Variants in WWOX observed in about 807,000 individuals in gnomAD.
WWOX encodes the protein WW domain-containing oxidoreductase.
WWOX carries 69 observed loss-of-function variants against 46.2 expected under a neutral mutation model. That is an observed-to-expected ratio of 1.49 (90% CI 1.23 to 1.82). WWOX has a LOEUF of 1.82. Among genes scored for constraint, WWOX ranks in the 40% most tolerant of loss-of-function variants. The pLI, the probability that WWOX is intolerant of heterozygous loss-of-function variation, is 0.00. For synonymous variants in WWOX, 359 were observed against 202.6 expected, an observed-to-expected ratio of 1.77 and a Z score of -6.56; for missense variants, 919 against 542.6, an observed-to-expected ratio of 1.69 and a Z score of -6.89.
chr16:78,431,115 A>T (rs989360779), intron 7 of WWOX, among the ~76,000 whole-genome samples: 1 of 152,174 alleles, frequency 6.6e-6, no homozygotes, highest in African/African-American at 2.4e-5. Flanking sequence ...TTGTAAGGGA[A>T]GTCACTATAA....
At chr16:78,775,465 A>G (rs2050165774) in intron 8 of WWOX, among the ~76,000 whole-genome samples, 2 of 152,174 alleles carry the variant, frequency 1.3e-5, no homozygotes, top group African/African-American at 2.4e-5. Context: ...ACCCAGACTC[A>G]TTTCTCATCT....
chr16:78,848,867 C>G lies in WWOX; in HGVS notation c.1057-362741C>G, dbSNP rs533113799. Among the ~76,000 whole-genome samples the G allele has an allele frequency of 1.3e-4, 19 of 151,924 alleles. 1 individual carries two copies. The East Asian group carries it at 3.3e-3, about 26-fold the overall frequency. On this transcript the variant is annotated intron_variant, in intron 8 of 8. Transcript: ENST00000566780. ...GAGATTCTGTATTTCCTTAATGACC[C>G]GAAAAATCTATTTAGCCCAGTTTTT...
intron 8 of WWOX, among the ~76,000 whole-genome samples, chr16:78,569,680 A>G (rs1404051731): frequency 6.6e-6 from 1 of 152,156 alleles, no homozygotes; most frequent in Non-Finnish European, 1.5e-5. Flanking sequence ...ACTCTCAGTG[A>G]GCAGGAAAAT....
chr16:78,547,602 C>T (rs1017199738), intron 8 of WWOX, among the ~76,000 whole-genome samples: 7 of 152,250 alleles, frequency 4.6e-5, no homozygotes, highest in African/African-American at 1.4e-4. Flanking sequence ...CTTATAAACA[C>T]CTGAAATCTA....
chr16:78,796,187 A>C (rs754661327), intron 8 of WWOX, among the ~76,000 whole-genome samples: 5 of 152,220 alleles, frequency 3.3e-5, no homozygotes, highest in Admixed American at 6.5e-5. Context: ...GTTAACTCCT[A>C]GAACTGTCGT....
At chr16:78,626,936 G>A (rs993245737) in intron 8 of WWOX, among the ~76,000 whole-genome samples, 3 of 151,940 alleles carry the variant, frequency 2.0e-5, no homozygotes, top group Non-Finnish European at 4.4e-5. Context: ...TGCTGCTGTT[G>A]GCTCCTGTGT....
At chr16:78,500,679 C>A (rs1204659215) in intron 8 of WWOX, among the ~76,000 whole-genome samples, 11 of 152,180 alleles carry the variant, frequency 7.2e-5, no homozygotes, top group Admixed American at 7.2e-4. Context: ...TCCAAGCAGT[C>A]TTCCAGCTGG....
intron 5 of WWOX, among the ~76,000 whole-genome samples, chr16:78,196,934 T>A (rs1285679001): frequency 6.6e-6 from 1 of 152,244 alleles, no homozygotes; most frequent in Non-Finnish European, 1.5e-5. Context: ...CAAAACATGA[T>A]TCTCATCTCC....
At chr16:78,474,864 T>A (rs1263232298) in intron 8 of WWOX, among the ~76,000 whole-genome samples, 1 of 152,228 alleles carries the variant, frequency 6.6e-6, no homozygotes, top group African/African-American at 2.4e-5. Context: ...CCTTTCACTT[T>A]GCATGCATCA....
intron 8 of WWOX, among the ~76,000 whole-genome samples, chr16:78,851,075 C>A (rs1378015556): frequency 6.6e-6 from 1 of 152,054 alleles, no homozygotes; most frequent in South Asian, 2.1e-4. Flanking sequence ...GACAGTGAGG[C>A]CAGGTGACTT....
chr16:78,946,143 A>G (rs1247967595), intron 8 of WWOX, among the ~76,000 whole-genome samples: 1 of 152,108 alleles, frequency 6.6e-6, no homozygotes, highest in Non-Finnish European at 1.5e-5. Flanking sequence ...TCCCCCTACA[A>G]GAATGCCGAG....
At chr16:78,419,774 C>G (rs2082880626) in intron 6 of WWOX, among the ~76,000 whole-genome samples, 1 of 147,124 alleles carries the variant, frequency 6.8e-6, no homozygotes. Flanking sequence ...GCACAAGTGA[C>G]AAAAGAAAAA....
In WWOX at chr16:78,945,183, A is replaced by G. The variant is rs2045925758; in HGVS notation, c.1057-266425A>G. ...TGACAGAGTGACACCCTGTGTCAAA[A>G]AAAGAAAAAGAAAAAGAAAGAAAAA... On this transcript the variant is annotated intron_variant, in intron 8 of 8. Transcript: ENST00000566780. Among the ~76,000 whole-genome samples the G allele has an allele frequency of 2.6e-5, 4 of 152,102 alleles. No individual in the cohort carries two copies. In the South Asian group the frequency reaches 8.3e-4, roughly 32 times the overall value.
At chr16:78,332,127 T>A (rs181048201) in intron 5 of WWOX, among the ~76,000 whole-genome samples, 1 of 152,188 alleles carries the variant, frequency 6.6e-6, no homozygotes, top group Non-Finnish European at 1.5e-5. Context: ...GTCCTGTGTT[T>A]GTACCTTGTT....
rs530020881 is a variant in WWOX, at chr16:79,031,416, C to T, written c.1057-180192C>T. ...TCTCGAGTTGGTTTGCAAAGTGAAA[C>T]GCATTAGACATCTTCAAGTGGGCTG... is the stretch of plus-strand genomic sequence containing the variant. On this transcript the variant is annotated intron_variant, in intron 8 of 8. Transcript: ENST00000566780. Among the ~76,000 whole-genome samples, 4 of 113,378 alleles carry T rather than the reference C, an allele frequency of 3.5e-5. No individual in the cohort carries two copies. The East Asian group carries it at 1.2e-3, about 35-fold the overall frequency. 74.4% of individuals were successfully genotyped at this position (113,378 alleles called of 152,430 possible).
At chr16:78,983,617 C>T (rs971485734) in intron 8 of WWOX, among the ~76,000 whole-genome samples, 2 of 152,240 alleles carry the variant, frequency 1.3e-5, no homozygotes, top group East Asian at 3.9e-4. Flanking sequence ...TCTAGACTCT[C>T]CTGGTGTTAG....
At chr16:78,220,167 T>C (rs1047884016) in intron 5 of WWOX, among the ~76,000 whole-genome samples, 2 of 152,132 alleles carry the variant, frequency 1.3e-5, no homozygotes, top group Admixed American at 1.3e-4. Context: ...CTAGAACATG[T>C]TGGGATTTTG....
chr16:78,289,191 C>G (rs566881230), intron 5 of WWOX, among the ~76,000 whole-genome samples: 1 of 152,266 alleles, frequency 6.6e-6, no homozygotes, highest in African/African-American at 2.4e-5. Context: ...TCTTCCCGAG[C>G]TTCAGGCCAT....
At chr16:79,163,342 G>A (rs2050524321) in intron 8 of WWOX, among the ~76,000 whole-genome samples, 1 of 152,170 alleles carries the variant, frequency 6.6e-6, no homozygotes, top group Admixed American at 6.5e-5. Flanking sequence ...GGGGGGTCTT[G>A]AGGAAGCCCA....
Sources: allele counts gnomAD v4.1 joint callset (sites outside exome capture counted in the v4.1 genomes callset), GRCh38; gene constraint gnomAD v4.1.1; transcripts MANE v1.5; gene names NCBI Gene and HGNC (gene_info 2026-07-23, HGNC 2026-07-21).